TMEM245: variants seen among roughly 807,000 people sequenced by gnomAD.
TMEM245 encodes protein CG-2.
Under a neutral mutation model 101.2 loss-of-function variants are expected in TMEM245, and 69 were observed. The ratio of observed to expected loss-of-function variants is 0.68; its 90% confidence interval spans 0.56 to 0.83. The LOEUF (loss-of-function observed/expected upper bound fraction) is 0.83. TMEM245 is among the 40% of genes least tolerant of loss of function. The pLI is 0.00. For synonymous variants in TMEM245, 537 were observed against 449.8 expected, an observed-to-expected ratio of 1.19 and a Z score of -2.45; for missense variants, 1,075 against 1,092.8, an observed-to-expected ratio of 0.98 and a Z score of 0.23.
At chr9:109,073,288 C>A in intron 9 of TMEM245, 68 bp downstream of exon 9, 2 of 1,167,820 alleles carry the variant, frequency 1.7e-6, no homozygotes, top group South Asian at 2.4e-5. Context: ...CAATGAAGGT[C>A]ATTTCGTGCA....
At position 109,060,273 on chromosome 9, in the gene TMEM245, G is replaced by A. The variant is rs1283804190; in HGVS notation, c.1722+81C>T. The A allele has an allele frequency of 5.3e-5, 53 of 997,134 alleles. No individual in the cohort carries two copies. The East Asian group carries it at 1.2e-3, about 22-fold the overall frequency. The allele number at this position is 997,134 out of a possible 1,614,324, so 61.8% of individuals were successfully genotyped here. A position where few individuals can be genotyped will look rare whatever the true frequency, so the allele number is the denominator to read the frequency against. ...ATTTCCATGAATGAAATCCCACTGT[G>A]AATATAATCCTATCTAGTTGATGAG... On this transcript the variant is annotated intron_variant, in intron 11 of 17. Transcript: ENST00000374586.
At chr9:109,048,296 C>T (rs1276030981) in intron 14 of TMEM245, among the ~76,000 whole-genome samples, 1 of 152,116 alleles carries the variant, frequency 6.6e-6, no homozygotes, top group South Asian at 2.1e-4. Flanking sequence ...AAAAGTTCTA[C>T]AGACATTGTA....
chr9:109,100,272 G>A (rs1215853463), intron 3 of TMEM245, among the ~76,000 whole-genome samples: 1 of 152,120 alleles, frequency 6.6e-6, no homozygotes, highest in Non-Finnish European at 1.5e-5. Flanking sequence ...AGCCTGGGGA[G>A]GGGAAAGAAC....
At position 109,064,502 on chromosome 9, in the gene TMEM245, T is replaced by G; in HGVS notation, c.1598A>C (p.Tyr533Ser). ...LNSAANNVYQ[Y>S]GREWITHKLH... The stretch of plus-strand genomic sequence containing the variant: ...CTTGTGAGTTATCCATTCTCGTCCA[T>G]ACTGATACACGTTGTTAGCCGCAGA... The change falls in exon 10 of 18, where the codon TAT becomes TCT. Residue 533 changes from tyrosine to serine, a missense_variant. Transcript: ENST00000374586. The G allele has an allele frequency of 6.2e-7, 1 of 1,613,902 alleles. No homozygotes were observed. The highest frequency in any genetic ancestry group is 8.5e-7 in the Non-Finnish European group (1 of 1,179,806).
At chr9:109,110,148 G>C (rs1178461960) in intron 1 of TMEM245, among the ~76,000 whole-genome samples, 1 of 152,150 alleles carries the variant, frequency 6.6e-6, no homozygotes, top group Non-Finnish European at 1.5e-5. Context: ...GTCCAGTCTT[G>C]CTGGACCAGA....
intron 12 of TMEM245, among the ~76,000 whole-genome samples, chr9:109,052,933 T>A (rs1328503764): frequency 6.6e-6 from 1 of 152,104 alleles, no homozygotes; most frequent in Non-Finnish European, 1.5e-5. Flanking sequence ...AAGTAACCTT[T>A]CCTATTTGAA....
At chr9:109,118,765 G>A (rs925418203) in intron 1 of TMEM245, among the ~76,000 whole-genome samples, 12 of 152,206 alleles carry the variant, frequency 7.9e-5, no homozygotes, top group Admixed American at 5.9e-4. Flanking sequence ...AATTATACAG[G>A]AATCACCTGA....
chr9:109,045,189 T>C (rs1309889836), intron 14 of TMEM245, among the ~76,000 whole-genome samples: 1 of 152,214 alleles, frequency 6.6e-6, no homozygotes, highest in Non-Finnish European at 1.5e-5. Flanking sequence ...GTAATTTTTG[T>C]ATCCTTTAAC....
Position 109,050,267 on chromosome 9 carries a change from T to G in TMEM245, c.2123+16A>C, listed in dbSNP as rs1252336185. 6.2e-7 allele frequency: 1 copy of G among 1,613,192 alleles called. No individual in the cohort carries two copies. Among genetic ancestry groups the G allele is most frequent in the African/African-American group, 1.3e-5 (1 of 74,872 alleles). ...AGTTCTGGGAGAAATAAGAATAGCATAAACCTTATCCCTACCTGATAGCTT... is the reference window on the plus strand; with the variant it reads ...AGTTCTGGGAGAAATAAGAATAGCAGAAACCTTATCCCTACCTGATAGCTT... On this transcript the variant is annotated intron_variant, in intron 14 of 17. Transcript: ENST00000374586.
intron 8 of TMEM245, among the ~76,000 whole-genome samples, chr9:109,076,339 A>T (rs1292752038): frequency 7.2e-6 from 1 of 139,380 alleles, no homozygotes; most frequent in South Asian, 2.5e-4. Flanking sequence ...ATGAGAATAC[A>T]TGGACACAGG....
chr9:109,114,852 A>T (rs1564215140), intron 1 of TMEM245, among the ~76,000 whole-genome samples: 1 of 151,062 alleles, frequency 6.6e-6, no homozygotes, highest in Non-Finnish European at 1.5e-5. Context: ...GCAACAGCTG[A>T]TTTTTTTTTT....
chr9:109,050,812 G>C, intron 12 of TMEM245, 120 bp from the exon 13 acceptor site: 1 of 1,022,270 alleles, frequency 9.8e-7, no homozygotes, highest in Non-Finnish European at 1.4e-6. Context: ...AAGAACTGAG[G>C]ATTATTTCAA....
intron 7 of TMEM245, 79 bp downstream of exon 7, chr9:109,085,918 A>C: frequency 6.7e-7 from 1 of 1,484,236 alleles, no homozygotes; most frequent in Non-Finnish European, 9.4e-7. Context: ...ACACATGGAC[A>C]GAAACATAGA....
intron 14 of TMEM245, chr9:109,046,211 G>C (rs550339002): frequency 7.5e-6 from 4 of 534,012 alleles, no homozygotes; most frequent in Admixed American, 3.9e-5. Context: ...AGCCATACCC[G>C]TGTGCATGCA....
chr9:109,024,504 G>A (rs1224742885), intron 17 of TMEM245, among the ~76,000 whole-genome samples: 1 of 152,136 alleles, frequency 6.6e-6, no homozygotes, highest in Non-Finnish European at 1.5e-5. Context: ...CAACTAATGG[G>A]AAAAAACAAT....
At chr9:109,103,074 T>C (rs1320796116) in intron 3 of TMEM245, among the ~76,000 whole-genome samples, 2 of 152,230 alleles carry the variant, frequency 1.3e-5, no homozygotes, top group Non-Finnish European at 2.9e-5. Context: ...TAAAAGCACA[T>C]GGTCTATTCA....
chr9:109,101,000 G>C (rs1028500823), intron 3 of TMEM245, among the ~76,000 whole-genome samples: 7 of 152,236 alleles, frequency 4.6e-5, no homozygotes, highest in Non-Finnish European at 1.0e-4. Context: ...TCCACAAGAA[G>C]AGTTTTCTGA....
chr9:109,067,960 G>C (rs1323910143), intron 9 of TMEM245, among the ~76,000 whole-genome samples: 1 of 152,096 alleles, frequency 6.6e-6, no homozygotes, highest in Non-Finnish European at 1.5e-5. Flanking sequence ...GAGAGATGCA[G>C]GAAACCATTA....
chr9:109,081,306 G>C (rs1028175929), intron 7 of TMEM245, among the ~76,000 whole-genome samples: 1 of 152,100 alleles, frequency 6.6e-6, no homozygotes, highest in East Asian at 1.9e-4. Context: ...TTATGAAGCT[G>C]TATCATCAGT....
Sources: gnomAD v4.1 joint callset for allele counts (sites outside exome capture counted in the v4.1 genomes callset) on GRCh38, gnomAD v4.1.1 for gene constraint, MANE v1.5 for transcripts, NCBI Gene and HGNC (gene_info 2026-07-23, HGNC 2026-07-21) for gene names.